The following CTNNA3 variants were observed in gnomAD, a reference collection of about 807,000 sequenced individuals.
CTNNA3 encodes catenin alpha 3, also known as catenin alpha-3.
Under a neutral mutation model 95.7 loss-of-function variants are expected in CTNNA3, and 76 were observed. The ratio of observed to expected loss-of-function variants is 0.79; its 90% confidence interval spans 0.66 to 0.96. CTNNA3 has a LOEUF of 0.96. Among genes scored for constraint, CTNNA3 ranks in the 40% least tolerant of loss-of-function variants. The pLI is 0.00. For missense variants in CTNNA3, 1,191 were observed against 1,089.8 expected (o/e 1.09, Z -1.31); for synonymous variants, 431 against 374.4 (o/e 1.15, Z -1.74).
At chr10:66,483,384 T>G (rs1468772220) in intron 11 of CTNNA3, among the ~76,000 whole-genome samples, 1 of 152,072 alleles carries the variant, frequency 6.6e-6, no homozygotes, top group Admixed American at 6.5e-5. Flanking sequence ...TTATCATTAT[T>G]ATAGATGTAC....
At chr10:66,965,553 A>AG (rs1455627239) in intron 7 of CTNNA3, among the ~76,000 whole-genome samples, 49 of 86,878 alleles carry the variant, frequency 5.6e-4, no homozygotes, top group Non-Finnish European at 9.1e-4. Flanking sequence ...AGAAAAGAAA[A>AG]AAAAAAAAGC....
At chr10:67,668,832 C>CTTTTTTTTTT (rs869150567) in intron 1 of CTNNA3, among the ~76,000 whole-genome samples, 6 of 90,108 alleles carry the variant, frequency 6.7e-5, no homozygotes, top group Non-Finnish European at 1.0e-4. Context: ...TACTGTGTTT[C>CTTTTTTTTTT]TTTTTTTTTT....
rs200238646 is a variant in CTNNA3, at chr10:66,367,880, AATTATT to A, written c.1732+11266_1732+11271del. Among the ~76,000 whole-genome samples, 159 of 47,140 alleles carry A rather than the reference AATTATT, an allele frequency of 3.4e-3. 2 individuals carry two copies. The highest frequency in any genetic ancestry group is 0.012 in the African/African-American group (124 of 10,124). 30.9% of individuals were successfully genotyped at this position (47,140 alleles called of 152,430 possible). ...TAATAATAATAATAATAATAATAAT[AATTATT>A]ATTATTATTATTATTATTATTATTA... On this transcript the variant is annotated intron_variant, in intron 12 of 17. Coordinates refer to ENST00000433211, the MANE Select transcript of CTNNA3 (RefSeq NM_013266.4).
intron 7 of CTNNA3, among the ~76,000 whole-genome samples, chr10:66,899,170 C>T (rs915219928): frequency 6.6e-6 from 1 of 152,094 alleles, no homozygotes; most frequent in African/African-American, 2.4e-5. Flanking sequence ...TCGCCACACA[C>T]CTGCTAGGAT....
chr10:67,088,938 T>A (rs1427959023), intron 7 of CTNNA3, among the ~76,000 whole-genome samples: 1 of 151,930 alleles, frequency 6.6e-6, no homozygotes, highest in African/African-American at 2.4e-5. Flanking sequence ...AAAATAACAA[T>A]ACAATTAAAA....
intron 9 of CTNNA3, among the ~76,000 whole-genome samples, chr10:66,677,382 T>A (rs1351185884): frequency 7.1e-6 from 1 of 140,542 alleles, no homozygotes; most frequent in Non-Finnish European, 1.5e-5. Context: ...AAAAAATAAT[T>A]TTATACAAAA....
chr10:67,706,364 A>T (rs940925050), intron 1 of CTNNA3, among the ~76,000 whole-genome samples: 1 of 152,024 alleles, frequency 6.6e-6, no homozygotes, highest in Non-Finnish European at 1.5e-5. Context: ...CTAAAGAGCT[A>T]AGTAGGAAGT....
intron 15 of CTNNA3, among the ~76,000 whole-genome samples, chr10:66,040,266 C>T (rs2079657700): frequency 6.6e-6 from 1 of 151,938 alleles, no homozygotes; most frequent in Non-Finnish European, 1.5e-5. Flanking sequence ...AATGCTTATA[C>T]ACTATTGGGT....
chr10:66,162,725 G>A (rs933940702), intron 13 of CTNNA3, among the ~76,000 whole-genome samples: 10 of 152,088 alleles, frequency 6.6e-5, no homozygotes, highest in Non-Finnish European at 1.3e-4. Flanking sequence ...AGAGCATCAG[G>A]TATAGTAGTA....
intron 7 of CTNNA3, among the ~76,000 whole-genome samples, chr10:66,977,513 G>A (rs1168940761): frequency 6.6e-6 from 1 of 151,920 alleles, no homozygotes. Flanking sequence ...GAAACTACAA[G>A]AGTGGCCTCT....
chr10:66,127,841 C>G (rs1443554935), intron 13 of CTNNA3, among the ~76,000 whole-genome samples: 1 of 152,138 alleles, frequency 6.6e-6, no homozygotes, highest in East Asian at 1.9e-4. Flanking sequence ...CTTTGGGAGG[C>G]CGAGGCGGGC....
At chr10:66,516,248 A>G (rs1382212523) in intron 11 of CTNNA3, among the ~76,000 whole-genome samples, 1 of 152,096 alleles carries the variant, frequency 6.6e-6, no homozygotes, top group Non-Finnish European at 1.5e-5. Context: ...TGATGTTACA[A>G]AAAGATCACT....
intron 5 of CTNNA3, among the ~76,000 whole-genome samples, chr10:67,419,282 A>C (rs1845655327): frequency 6.6e-6 from 1 of 152,152 alleles, no homozygotes; most frequent in Non-Finnish European, 1.5e-5. Context: ...AGATAGGACA[A>C]TACAATAACA....
chr10:67,114,137 C>A (rs1200447991), intron 7 of CTNNA3, among the ~76,000 whole-genome samples: 3 of 151,746 alleles, frequency 2.0e-5, no homozygotes, highest in Non-Finnish European at 4.4e-5. Context: ...TAATGTATAT[C>A]AAAATATTAA....
Position 67,029,642 on chromosome 10 carries a change from C to G in CTNNA3, c.1047+150675G>C, listed in dbSNP as rs1299908714. ...GTTTGGGATGGCTTTTTCTCATTGC[C>G]TTTAAAAATAAATTTTAATTTTCCC... On this transcript the variant is annotated intron_variant, in intron 7 of 17. Coordinates refer to ENST00000433211, the MANE Select transcript of CTNNA3 (RefSeq NM_013266.4). 2.0e-5 allele frequency among the ~76,000 whole-genome samples: 3 copies of G among 152,138 alleles called. No homozygotes were observed. In the East Asian group the frequency reaches 5.8e-4, roughly 29 times the overall value.
At chr10:66,504,366 G>A (rs1375930179) in intron 11 of CTNNA3, among the ~76,000 whole-genome samples, 6 of 152,110 alleles carry the variant, frequency 3.9e-5, no homozygotes, top group Non-Finnish European at 7.3e-5. Flanking sequence ...GGTTTTTACC[G>A]GTTTGTTAAA....
intron 2 of CTNNA3, among the ~76,000 whole-genome samples, chr10:67,637,240 G>A (rs1411888514): frequency 6.6e-6 from 1 of 152,134 alleles, no homozygotes; most frequent in South Asian, 2.1e-4. Flanking sequence ...CAGCTGATTC[G>A]ATCAACTGGA....
At position 66,642,281 on chromosome 10, in the gene CTNNA3, C is replaced by A. The variant is rs908951460; in HGVS notation, c.1282-20497G>T. On this transcript the variant is annotated intron_variant, in intron 9 of 17. Coordinates refer to ENST00000433211, the MANE Select transcript of CTNNA3 (RefSeq NM_013266.4). ...ACACACACACACACACACACACAAACACACACACACACACACACACACACA... is the reference window on the plus strand; with the variant it reads ...ACACACACACACACACACACACAAAAACACACACACACACACACACACACA... 2.1e-3 allele frequency among the ~76,000 whole-genome samples: 304 copies of A among 145,294 alleles called. 1 individual carries two copies. Among genetic ancestry groups the A allele is most frequent in the African/African-American group, 6.9e-3 (280 of 40,442 alleles).
chr10:67,082,123 A>G lies in CTNNA3; in HGVS notation c.1047+98194T>C, dbSNP rs374011765. On this transcript the variant is annotated intron_variant, in intron 7 of 17. Coordinates refer to ENST00000433211, the MANE Select transcript of CTNNA3 (RefSeq NM_013266.4). Reference sequence around the variant, plus strand: ...AGAACCAATTTTCTTTCAATGCTATAGAGAGGATTTTTTAAAATTAAAAAA... The same window carrying G: ...AGAACCAATTTTCTTTCAATGCTATGGAGAGGATTTTTTAAAATTAAAAAA... Among the ~76,000 whole-genome samples the G allele has an allele frequency of 1.2e-4, 19 of 152,342 alleles. No individual in the cohort carries two copies. The East Asian group carries it at 3.1e-3, about 25-fold the overall frequency.
Sources: gnomAD v4.1 joint callset for allele counts (sites outside exome capture counted in the v4.1 genomes callset) on GRCh38, gnomAD v4.1.1 for gene constraint, MANE v1.5 for transcripts, NCBI Gene and HGNC (gene_info 2026-07-23, HGNC 2026-07-21) for gene names.